Variants in BARX2 observed in about 807,000 individuals in gnomAD.
BARX2 encodes BARX homeobox 2, also known as homeobox protein BarH-like 2.
BARX2 carries 11 observed loss-of-function variants against 25.5 expected under a neutral mutation model. That is an observed-to-expected ratio of 0.43 (90% CI 0.27 to 0.71). The LOEUF is 0.71. BARX2 is among the 30% of genes least tolerant of loss of function. The probability of loss-of-function intolerance (pLI) is 0.19; values close to 1 mark genes in which losing one functional copy is unlikely to be tolerated. For synonymous variants in BARX2, 137 were observed against 149.5 expected (o/e 0.92, Z 0.61); for missense variants, 360 against 359.9 (o/e 1.00, Z 0.00).
At chr11:129,448,291 T>A (rs1437486072) in intron 3 of BARX2, among the ~76,000 whole-genome samples, 1 of 152,182 alleles carries the variant, frequency 6.6e-6, no homozygotes, top group Non-Finnish European at 1.5e-5. Context: ...AAATTGGGCT[T>A]CCTCAAAATT....
chr11:129,418,229 C>T (rs1861966163), intron 1 of BARX2, among the ~76,000 whole-genome samples: 1 of 152,180 alleles, frequency 6.6e-6, no homozygotes, highest in Non-Finnish European at 1.5e-5. Flanking sequence ...AAAAAGGCCT[C>T]TCTGCTTCTC....
intron 1 of BARX2, among the ~76,000 whole-genome samples, chr11:129,413,046 A>G (rs1164847361): frequency 6.7e-6 from 1 of 148,580 alleles, no homozygotes; most frequent in South Asian, 2.1e-4. Flanking sequence ...ATGTTTGGAA[A>G]AAGTTTCTAG....
chr11:129,424,281 C>T (rs1370410933), intron 1 of BARX2, among the ~76,000 whole-genome samples: 1 of 152,232 alleles, frequency 6.6e-6, no homozygotes, highest in Non-Finnish European at 1.5e-5. Context: ...CTGTCTCTGA[C>T]ACTTGGATGT....
chr11:129,411,840 C>T (rs1037610884), intron 1 of BARX2, among the ~76,000 whole-genome samples: 1 of 152,162 alleles, frequency 6.6e-6, no homozygotes, highest in Non-Finnish European at 1.5e-5. Context: ...CAGCTGGGAT[C>T]GAGACTCATA....
upstream of BARX2, among the ~76,000 whole-genome samples, chr11:129,375,338 G>A (rs1390003969): frequency 6.6e-6 from 1 of 152,188 alleles, no homozygotes; most frequent in Non-Finnish European, 1.5e-5. This position sits in a 1 kb window ranked among gnomAD's most constrained non-coding sequence, Gnocchi z 4.0. Flanking sequence ...CGGGGGCACT[G>A]GCTCTGTGGC....
intron 1 of BARX2, among the ~76,000 whole-genome samples, chr11:129,388,575 G>T (rs1861638101): frequency 6.6e-6 from 1 of 152,184 alleles, no homozygotes; most frequent in Non-Finnish European, 1.5e-5. Context: ...TAACACTTCG[G>T]ATATTTTTCA....
At chr11:129,389,554 CTTTA>C (rs1205729255) in intron 1 of BARX2, among the ~76,000 whole-genome samples, 3 of 149,728 alleles carry the variant, frequency 2.0e-5, no homozygotes, top group Non-Finnish European at 4.4e-5. Context: ...TGCTTTGTTA[CTTTA>C]TTTTTTTTTT....
chr11:129,423,413 C>T (rs1195203529), intron 1 of BARX2, among the ~76,000 whole-genome samples: 1 of 152,136 alleles, frequency 6.6e-6, no homozygotes, highest in Non-Finnish European at 1.5e-5. Context: ...CTGCACCCGG[C>T]CCAGATTGGA....
At position 129,436,779 on chromosome 11, in the gene BARX2, C is replaced by T. The variant is rs751805020; in HGVS notation, c.216C>T (p.Leu72=). The part of the protein sequence containing the change: ...TGSPSLRAYP[L]LSVITRQPTV... ...CCCCTTCCCTGCGGGCATATCCGCT[C>T]CTCTCGGTGATCACCCGCCAGCCCA... The change falls in exon 2 of 4, where the codon CTC becomes CTT. Residue 72 remains leucine (L), a synonymous_variant. Coordinates refer to ENST00000281437, the MANE Select transcript of BARX2 (RefSeq NM_003658.5). The surrounding 1 kb of genome is among the most constrained non-coding windows in gnomAD (Gnocchi z 4.5). 5 of 1,606,038 alleles carry T rather than the reference C, an allele frequency of 3.1e-6. No homozygotes were observed. The highest frequency in any genetic ancestry group is 4.3e-6 in the Non-Finnish European group (5 of 1,175,184).
intron 2 of BARX2, among the ~76,000 whole-genome samples, chr11:129,440,415 A>G (rs1390427342): frequency 6.6e-6 from 1 of 152,138 alleles, no homozygotes; most frequent in African/African-American, 2.4e-5. Flanking sequence ...ACCATGGAGG[A>G]CCCGTCTCCA....
At chr11:129,393,151 C>T (rs997298925) in intron 1 of BARX2, among the ~76,000 whole-genome samples, 1 of 152,066 alleles carries the variant, frequency 6.6e-6, no homozygotes, top group Non-Finnish European at 1.5e-5. Context: ...CAGAGGATTG[C>T]TTGAGCCCAG....
intron 1 of BARX2, among the ~76,000 whole-genome samples, chr11:129,399,644 G>A (rs936400125): frequency 2.0e-5 from 3 of 152,146 alleles, no homozygotes; most frequent in African/African-American, 7.2e-5. Context: ...CAGAGGGACG[G>A]CTCCCTGCAG....
intron 1 of BARX2, among the ~76,000 whole-genome samples, chr11:129,396,891 A>G (rs1861726190): frequency 1.3e-5 from 2 of 152,104 alleles, no homozygotes; most frequent in African/African-American, 4.8e-5. Flanking sequence ...CATCCTATCT[A>G]TTCTCACACA....
At chr11:129,449,478 C>A (rs1252139588) in intron 3 of BARX2, among the ~76,000 whole-genome samples, 3 of 152,128 alleles carry the variant, frequency 2.0e-5, no homozygotes, top group Non-Finnish European at 4.4e-5. Context: ...TGTGCTAATC[C>A]AGGTCCTCTG....
chr11:129,409,288 A>G (rs1861863757), intron 1 of BARX2, among the ~76,000 whole-genome samples: 1 of 152,156 alleles, frequency 6.6e-6, no homozygotes, highest in African/African-American at 2.4e-5. Context: ...TAGTCTATCT[A>G]CTAGTCTAGG....
intron 3 of BARX2, among the ~76,000 whole-genome samples, chr11:129,450,811 T>G (rs1203260342): frequency 6.6e-6 from 1 of 152,252 alleles, no homozygotes; most frequent in Non-Finnish European, 1.5e-5. Flanking sequence ...ATTGTTGTCT[T>G]TTTAGCTTGT....
Position 129,376,221 on chromosome 11 carries a change from G to C in BARX2, c.186G>C (p.Thr62=), listed in dbSNP as rs762710205. ...GACCCAAGCCCCTGCATTCCTGTACGGGTAAGACGCTCCGCTAGGGGATAA... is the reference window on the plus strand; with the variant it reads ...GACCCAAGCCCCTGCATTCCTGTACCGGTAAGACGCTCCGCTAGGGGATAA... ...VVRPKPLHSC[T]GSPSLRAYPL... The change falls in exon 1 of 4, where the codon ACG becomes ACC. Residue 62 remains threonine, a splice_region_variant and synonymous_variant. Coordinates refer to ENST00000281437, the MANE Select transcript of BARX2 (RefSeq NM_003658.5). This position sits in a 1 kb window ranked among gnomAD's most constrained non-coding sequence, Gnocchi z 4.2. 7.5e-6 allele frequency: 12 copies of C among 1,598,594 alleles called. No homozygotes were observed. The highest frequency in any genetic ancestry group is 6.0e-6 in the Non-Finnish European group (7 of 1,172,668).
At chr11:129,401,423 G>A (rs1439669718) in intron 1 of BARX2, among the ~76,000 whole-genome samples, 2 of 152,108 alleles carry the variant, frequency 1.3e-5, no homozygotes, top group African/African-American at 2.4e-5. Flanking sequence ...AGGTAAAGTG[G>A]CTTTATTTCT....
intron 3 of BARX2, among the ~76,000 whole-genome samples, chr11:129,448,625 A>G (rs1342362406): frequency 6.6e-6 from 1 of 152,220 alleles, no homozygotes; most frequent in Non-Finnish European, 1.5e-5. Flanking sequence ...GCCATCAACA[A>G]GTGTTGGTGA....
Sources: gnomAD v4.1 joint callset for allele counts (sites outside exome capture counted in the v4.1 genomes callset) on GRCh38, gnomAD v4.1.1 for gene constraint, Gnocchi (gnomAD v3.1) non-coding constraint, MANE v1.5 for transcripts, NCBI Gene and HGNC (gene_info 2026-07-23, HGNC 2026-07-21) for gene names.